The following FCER2 variants were observed in gnomAD, a reference collection of about 807,000 sequenced individuals.
FCER2 encodes low affinity immunoglobulin epsilon Fc receptor.
In FCER2, 38 loss-of-function variants were observed where a neutral mutation model predicts 49.7. That is an observed-to-expected ratio of 0.76 (90% confidence interval 0.59 to 1.00). The LOEUF is 1.00. Among genes scored for constraint, FCER2 ranks in the 50% least tolerant of loss-of-function variants. The probability of loss-of-function intolerance (pLI) is 0.00; values close to 1 mark genes in which losing one functional copy is unlikely to be tolerated. For synonymous variants in FCER2, 163 were observed against 164.6 expected (o/e 0.99, Z 0.07); for missense variants, 425 against 419.5 (o/e 1.01, Z -0.11).
intron 4 of FCER2, 58 bp from the exon 5 acceptor site, chr19:7,697,647 C>T (rs976361711): frequency 1.1e-5 from 15 of 1,407,004 alleles, no homozygotes; most frequent in Non-Finnish European, 1.3e-5. Flanking sequence ...TCCTTGGACC[C>T]CGCCTATGCC....
intron 8 of FCER2, among the ~76,000 whole-genome samples, chr19:7,691,748 A>C (rs62110725): frequency 0.34 from 51,746 of 150,660 alleles, 9,692 homozygotes; most frequent in African/African-American, 0.5. Context: ...TCCACAAACA[A>C]CTCCTCAACC....
intron 8 of FCER2, among the ~76,000 whole-genome samples, chr19:7,691,465 A>T (rs62110723): frequency 0.35 from 52,791 of 151,376 alleles, 10,301 homozygotes; most frequent in African/African-American, 0.53. Context: ...GTGCCTCAAT[A>T]GCCACCAACA....
intron 6 of FCER2, 48 bp downstream of exon 6, chr19:7,697,188 C>G: frequency 1.2e-6 from 2 of 1,609,924 alleles, no homozygotes; most frequent in Non-Finnish European, 1.7e-6. Context: ...GAGACACTCC[C>G]TCCTTCCCAC....
chr19:7,689,237 G>C lies in FCER2; in HGVS notation c.922C>G (p.Pro308Ala), dbSNP rs757927966. Residue 308 changes from proline (P) to alanine (A), a missense_variant, in exon 11 of 11, where the codon CCT becomes GCT. Coordinates refer to ENST00000597921, the MANE Select transcript of FCER2 (RefSeq NM_001220500.2). ...GAGGGGGTGGGCAGGCGGCCGTCAG[G>C]GTCTGGTCTTGAATCAGGTCCCATG... ...ESMGPDSRPD[P>A]DGRLPTPSAP... The C allele has an allele frequency of 6.2e-7, 1 of 1,613,616 alleles. No homozygotes were observed. Among genetic ancestry groups the C allele is most frequent in the Non-Finnish European group, 8.5e-7 (1 of 1,179,730 alleles).
intron 8 of FCER2, among the ~76,000 whole-genome samples, chr19:7,690,946 A>G (rs1425422242): frequency 2.0e-5 from 3 of 152,076 alleles, no homozygotes; most frequent in Non-Finnish European, 4.4e-5. Flanking sequence ...ATGTCCAACA[A>G]CACTTCAACC....
intron 8 of FCER2, among the ~76,000 whole-genome samples, chr19:7,693,022 C>T (rs17159836): frequency 0.021 from 3,205 of 152,194 alleles, 90 homozygotes; most frequent in East Asian, 0.073. Context: ...CCTTCATCAC[C>T]GACATCATTA....
At chr19:7,693,495 C>G (rs1194009070) in intron 8 of FCER2, among the ~76,000 whole-genome samples, 3 of 151,978 alleles carry the variant, frequency 2.0e-5, no homozygotes, top group African/African-American at 7.2e-5. Flanking sequence ...ACCTGTAATC[C>G]CAGCTACTTG....
rs1179247660 is a variant in FCER2 at position 7,699,736 on chromosome 19, T to G, written c.22+3A>C. On this transcript the variant is annotated splice_donor_region_variant and intron_variant, in intron 2 of 10. Coordinates refer to ENST00000597921, the MANE Select transcript of FCER2 (RefSeq NM_001220500.2). Reference sequence around the variant, plus strand: ...CAACGTTAGAACCAGAGAGTCCTCCTACCTGAATATTGACCTTCCTCCATG... The same window carrying G: ...CAACGTTAGAACCAGAGAGTCCTCCGACCTGAATATTGACCTTCCTCCATG... The G allele has an allele frequency of 1.9e-6, 3 of 1,613,816 alleles. No homozygotes were observed. The highest frequency in any genetic ancestry group is 2.5e-6 in the Non-Finnish European group (3 of 1,179,708).
intron 1 of FCER2, among the ~76,000 whole-genome samples, chr19:7,701,406 G>C (rs1192179997): frequency 1.3e-5 from 2 of 152,260 alleles, no homozygotes; most frequent in East Asian, 3.9e-4. Flanking sequence ...GAGCAGCTCA[G>C]TTTGCTCATC....
At chr19:7,692,540 C>G (rs1306453066) in intron 8 of FCER2, among the ~76,000 whole-genome samples, 1 of 151,618 alleles carries the variant, frequency 6.6e-6, no homozygotes, top group African/African-American at 2.4e-5. Flanking sequence ...CCAACACCAG[C>G]ACCATGAACA....
intron 9 of FCER2, 50 bp downstream of exon 9, chr19:7,690,355 TC>T (rs148383467): frequency 1.2e-6 from 2 of 1,601,780 alleles, no homozygotes; most frequent in Non-Finnish European, 8.5e-7. Context: ...GGGGTGGGGG[TC>T]CCCCCACCCT....
Position 7,690,460 on chromosome 19 carries a change from A to G in FCER2, c.567T>C (p.Tyr189=). 1 of 1,614,110 alleles carries G rather than the reference A, an allele frequency of 6.2e-7. No homozygotes were observed. Among genetic ancestry groups the G allele is most frequent in the East Asian group, 2.2e-5 (1 of 44,886 alleles). The change falls in exon 9 of 11, where the codon TAT becomes TAC. Residue 189 remains tyrosine, a synonymous_variant. Coordinates refer to ENST00000597921, the MANE Select transcript of FCER2 (RefSeq NM_001220500.2). ...KGTKQWVHAR[Y]ACDDMEGQLV... is the part of the protein sequence containing the mutation. ...GCTGCCCTTCCATGTCGTCACAGGC[A>G]TACCGGGCGTGGACCCACTGCTTGG...
chr19:7,700,516 T>C (rs2033129681), intron 1 of FCER2, among the ~76,000 whole-genome samples: 1 of 152,072 alleles, frequency 6.6e-6, no homozygotes, highest in African/African-American at 2.4e-5. Context: ...CTTTATTTAT[T>C]TATTTATTTA....
intron 8 of FCER2, among the ~76,000 whole-genome samples, chr19:7,696,100 A>C (rs966983984): frequency 6.6e-6 from 1 of 150,770 alleles, no homozygotes; most frequent in African/African-American, 2.4e-5. Flanking sequence ...CACCCGGTTA[A>C]TTTTTTAAAA....
Position 7,690,395 on chromosome 19 carries a change from C to T in FCER2, c.621+11G>A. 1 of 1,612,946 alleles carries T rather than the reference C, an allele frequency of 6.2e-7. No homozygotes were observed. On this transcript the variant is annotated intron_variant, in intron 9 of 10. Transcript: ENST00000597921. Reference sequence around the variant, plus strand: ...CATGCTGCCCACCACCTCTGCAGAGCCCCAGCCCACCTGCTCCTCCGGGCT... The same window carrying T: ...CATGCTGCCCACCACCTCTGCAGAGTCCCAGCCCACCTGCTCCTCCGGGCT...
rs749780974 is a variant in FCER2, at chr19:7,697,033, A to C, written c.359T>G (p.Leu120Arg). 1 of 1,607,812 alleles carries C rather than the reference A, an allele frequency of 6.2e-7. No individual in the cohort carries two copies. The highest frequency in any genetic ancestry group is 1.7e-5 in the Admixed American group (1 of 59,094). ...SWNLNGLQAD[L>R]SSFKSQELNE... Reference sequence around the variant, plus strand: ...CTCACCCTGGGACTTGAAGCTGCTCAGATCTGCTTGAAGCCCGTTCAGGTT... The same window carrying C: ...CTCACCCTGGGACTTGAAGCTGCTCCGATCTGCTTGAAGCCCGTTCAGGTT... The change falls in exon 7 of 11, where the codon CTG becomes CGG. Residue 120 changes from leucine (L) to arginine (R), a missense_variant. Physicochemically the swap from Leu to Arg is moderately radical, Grantham distance 102 (BLOSUM62 -2). Coordinates refer to ENST00000597921, the MANE Select transcript of FCER2 (RefSeq NM_001220500.2).
intron 1 of FCER2, among the ~76,000 whole-genome samples, chr19:7,700,667 A>G (rs186439281): frequency 1.3e-4 from 20 of 151,804 alleles, no homozygotes; most frequent in African/African-American, 4.4e-4. Flanking sequence ...GGCACGTGCC[A>G]CCATGACCAG....
At chr19:7,694,215 G>C (rs76878716) in intron 8 of FCER2, among the ~76,000 whole-genome samples, 4,594 of 152,242 alleles carry the variant, frequency 0.03, 179 homozygotes, top group African/African-American at 0.088. Flanking sequence ...AACAGGAAGA[G>C]GTGGCCAGGT....
chr19:7,699,674 TG>T, intron 2 of FCER2, 64 bp downstream of exon 2: 1 of 1,518,150 alleles, frequency 6.6e-7, no homozygotes, highest in Non-Finnish European at 9.2e-7. Context: ...GCTTCTCTTC[TG>T]GGTGAAAGGC....
Sources: allele counts gnomAD v4.1 joint callset (sites outside exome capture counted in the v4.1 genomes callset), GRCh38; gene constraint gnomAD v4.1.1; transcripts MANE v1.5; gene names NCBI Gene and HGNC (gene_info 2026-07-23, HGNC 2026-07-21).